Variants in CTR9 observed in about 807,000 individuals in gnomAD.
CTR9 encodes RNA polymerase-associated protein CTR9 homolog.
CTR9 carries 41 observed loss-of-function variants against 152.1 expected under a neutral mutation model. The observed-to-expected ratio is 0.27, with a 90% CI of 0.21 to 0.35. The LOEUF (loss-of-function observed/expected upper bound fraction) is 0.35. CTR9 is among the 10% of genes least tolerant of loss of function. The pLI, the probability that CTR9 is intolerant of heterozygous loss-of-function variation, is 1.00. For missense variants in CTR9, 917 were observed against 1,424.4 expected (o/e 0.64, Z 5.73); for synonymous variants, 476 against 496.2 (o/e 0.96, Z 0.54).
At position 10,779,059 on chromosome 11, in the gene CTR9, A is replaced by T; in HGVS notation, c.3476A>T (p.Glu1159Val). 1 of 1,614,180 alleles carries T rather than the reference A, an allele frequency of 6.2e-7. No individual in the cohort carries two copies. Among genetic ancestry groups the T allele is most frequent in the South Asian group, 1.1e-5 (1 of 91,080 alleles). ...TCGGAACCAGAGGGATCCAACAATG[A>T]GGCCTCAGATAGAGGCTCAGAACAT... The part of the protein sequence containing the change: ...NESEPEGSNN[E>V]ASDRGSEHGS... The change falls in exon 25 of 25, where the codon GAG becomes GTG. Residue 1159 changes from glutamate (E) to valine (V), a missense_variant. By Grantham distance (121) the Glu-to-Val change is moderately radical. Transcript: ENST00000361367.
chr11:10,772,379 A>T (rs528686329), intron 19 of CTR9, 141 bp from the exon 20 acceptor site: 1 of 706,334 alleles, frequency 1.4e-6, no homozygotes, highest in Non-Finnish European at 2.0e-6. Flanking sequence ...AAGAAAAAAA[A>T]CATTTTTTTA....
At chr11:10,766,317 A>G (rs546186990) in intron 12 of CTR9, 85 bp from the exon 13 acceptor site, 1 of 1,055,032 alleles carries the variant, frequency 9.5e-7, no homozygotes, top group Admixed American at 2.4e-5. Flanking sequence ...TTAATGAAAA[A>G]AAATTGTTTC....
intron 5 of CTR9, among the ~76,000 whole-genome samples, 176 bp from the exon 6 acceptor site, chr11:10,759,997 T>G (rs1352147141): frequency 2.0e-5 from 3 of 152,190 alleles, no homozygotes; most frequent in Admixed American, 6.5e-5. Context: ...GAATATGGTA[T>G]GATGTAGCCT....
At position 10,767,558 on chromosome 11, in the gene CTR9, T is replaced by G; in HGVS notation, c.1687-248T>G. On this transcript the variant is annotated intron_variant, in intron 13 of 24. Coordinates refer to ENST00000361367, the MANE Select transcript of CTR9 (RefSeq NM_014633.5). This position sits in a 1 kb window ranked among gnomAD's most constrained non-coding sequence, Gnocchi z 4.0. Reference sequence around the variant, plus strand: ...TGACCAACCTAATGTTACAACTACTTTGAGGTGGCCAAATGTAAACTGAAA... The same window carrying G: ...TGACCAACCTAATGTTACAACTACTGTGAGGTGGCCAAATGTAAACTGAAA... 7.3e-6 allele frequency: 3 copies of G among 413,266 alleles called. No homozygotes were observed. Among genetic ancestry groups the G allele is most frequent in the Non-Finnish European group, 1.3e-5 (3 of 225,988 alleles). 25.6% of individuals were successfully genotyped at this position (413,266 alleles called of 1,614,324 possible).
chr11:10,765,242 G>A (rs535279488), intron 12 of CTR9, among the ~76,000 whole-genome samples: 10 of 152,268 alleles, frequency 6.6e-5, no homozygotes, highest in Admixed American at 1.3e-4. Flanking sequence ...ACTTTGGGAG[G>A]CCACTGCAGC....
rs931221668 is a variant in CTR9 at position 10,751,319 on chromosome 11, C to G, written c.-94C>G. ...CGCGGGGCGGCAGTCAAGACCAGAG[C>G]CGGAGCCGTCACTCACCTCTGGATT... On this transcript the variant is annotated 5_prime_UTR_variant, in exon 1 of 25. Coordinates refer to ENST00000361367, the MANE Select transcript of CTR9 (RefSeq NM_014633.5). The G allele has an allele frequency of 2.1e-5, 29 of 1,349,836 alleles. No homozygotes were observed. In the South Asian group the frequency reaches 3.3e-4, roughly 15 times the overall value. The allele number at this position is 1,349,836 out of a possible 1,614,324, so 83.6% of individuals were successfully genotyped here.
At chr11:10,761,717 G>A (rs1283733527) in intron 6 of CTR9, among the ~76,000 whole-genome samples, 1 of 151,870 alleles carries the variant, frequency 6.6e-6, no homozygotes, top group Non-Finnish European at 1.5e-5. Context: ...AGCAAGAACT[G>A]AACAAGAAAA....
At chr11:10,766,686 T>C (rs1428663189) in intron 13 of CTR9, among the ~76,000 whole-genome samples, 196 bp downstream of exon 13, 4 of 152,236 alleles carry the variant, frequency 2.6e-5, no homozygotes, top group Non-Finnish European at 5.9e-5. Flanking sequence ...TGTTTTTTTA[T>C]GTAAATCTTT....
intron 12 of CTR9, 75 bp downstream of exon 12, chr11:10,764,806 A>T: frequency 7.5e-7 from 1 of 1,331,932 alleles, no homozygotes; most frequent in East Asian, 2.5e-5. Flanking sequence ...AGCCTGAAAA[A>T]AATTTAGAAT....
intron 6 of CTR9, among the ~76,000 whole-genome samples, chr11:10,761,028 A>G (rs1304435863): frequency 6.6e-6 from 1 of 152,192 alleles, no homozygotes; most frequent in Non-Finnish European, 1.5e-5. Context: ...CTTATGTATA[A>G]TTGTCCAAAA....
intron 19 of CTR9, among the ~76,000 whole-genome samples, chr11:10,772,222 G>A: frequency 6.6e-6 from 1 of 152,002 alleles, no homozygotes; most frequent in East Asian, 1.9e-4. Context: ...AGGTATGGTG[G>A]TGCACACCTG....
chr11:10,771,637 A>C, intron 19 of CTR9, 21 bp downstream of exon 19: 1 of 1,586,926 alleles, frequency 6.3e-7, no homozygotes, highest in South Asian at 1.1e-5. Flanking sequence ...TATTTATGGA[A>C]GGTGACTTTG....
Position 10,778,969 on chromosome 11 carries a change from A to T in CTR9, c.3386A>T (p.Glu1129Val). The T allele has an allele frequency of 1.2e-6, 2 of 1,614,188 alleles. No individual in the cohort carries two copies. The highest frequency in any genetic ancestry group is 1.7e-6 in the Non-Finnish European group (2 of 1,180,034). Residue 1129 changes from glutamate to valine, a missense_variant, in exon 25 of 25, where the codon GAA becomes GTA. By Grantham distance (121) the Glu-to-Val change is moderately radical. Around this residue, in one of 9 missense-constraint regions of CTR9, gnomAD observed 384 missense variants for 398.4 expected, o/e 0.96. Coordinates refer to ENST00000361367, the MANE Select transcript of CTR9 (RefSeq NM_014633.5). Reference protein sequence around the residue: ...NDSRPASPSAESDHESERGSD... With the variant: ...NDSRPASPSAVSDHESERGSD... ...TCTCGCCCAGCTTCTCCAAGTGCCG[A>T]ATCAGATCACGAATCGGAGAGAGGA... is the stretch of plus-strand genomic sequence containing the variant.
intron 6 of CTR9, among the ~76,000 whole-genome samples, chr11:10,761,216 T>G (rs1862970663): frequency 6.6e-6 from 1 of 152,152 alleles, no homozygotes. Flanking sequence ...TCATCCCCAG[T>G]TGAGAACCAC....
chr11:10,766,561 C>T, intron 13 of CTR9, 71 bp downstream of exon 13: 1 of 1,087,990 alleles, frequency 9.2e-7, no homozygotes, highest in Non-Finnish European at 1.3e-6. Flanking sequence ...ATCAGTTTTT[C>T]CTTTTAATGG....
Position 10,751,382 on chromosome 11 carries a change from G to A in CTR9, c.-31G>A, listed in dbSNP as rs1312537900. 2.5e-6 allele frequency: 4 copies of A among 1,606,576 alleles called. No homozygotes were observed. The South Asian group carries it at 3.3e-5, about 13-fold the overall frequency. ...AGACTACCGGCTGCGGAGCGGCGGG[G>A]CGAGACACTTGCTCGCCTTTTGACC... On this transcript the variant is annotated 5_prime_UTR_variant, in exon 1 of 25. Transcript: ENST00000361367.
Position 10,767,781 on chromosome 11 carries a change from C to T in CTR9, c.1687-25C>T, listed in dbSNP as rs985218791. On this transcript the variant is annotated intron_variant, in intron 13 of 24. Transcript: ENST00000361367. This position sits in a 1 kb window ranked among gnomAD's most constrained non-coding sequence, Gnocchi z 4.0. ...TCTGTCAAACTAAACTGCAGATTTTCCTTCTTCATGTATGTATGTTTCAGG... is the reference window on the plus strand; with the variant it reads ...TCTGTCAAACTAAACTGCAGATTTTTCTTCTTCATGTATGTATGTTTCAGG... 3 of 1,609,368 alleles carry T rather than the reference C, an allele frequency of 1.9e-6. No homozygotes were observed. The highest frequency in any genetic ancestry group is 2.7e-5 in the African/African-American group (2 of 74,730).
chr11:10,772,103 C>T (rs1192476620), intron 19 of CTR9, among the ~76,000 whole-genome samples: 1 of 151,976 alleles, frequency 6.6e-6, no homozygotes, highest in East Asian at 1.9e-4. Context: ...CACCTGTAAT[C>T]CTGGCACTTT....
intron 19 of CTR9, 127 bp downstream of exon 19, chr11:10,771,743 G>C (rs1359743787): frequency 1.5e-6 from 1 of 649,336 alleles, no homozygotes; most frequent in Non-Finnish European, 2.8e-6. Flanking sequence ...ACTTCTCTTG[G>C]GGACTCTCTA....
Sources: allele counts gnomAD v4.1 joint callset (sites outside exome capture counted in the v4.1 genomes callset), GRCh38; gene constraint gnomAD v4.1.1; regional missense constraint gnomAD v4.1.1; non-coding constraint Gnocchi (gnomAD v3.1); transcripts MANE v1.5; gene names NCBI Gene and HGNC (gene_info 2026-07-23, HGNC 2026-07-21).